The following RFTN1 variants were observed in gnomAD, a reference collection of about 807,000 sequenced individuals.
RFTN1 encodes the protein raftlin.
A neutral mutation model predicts 46.5 loss-of-function variants in RFTN1; 26 were observed. That is an observed-to-expected ratio of 0.56 (90% CI 0.41 to 0.78). The LOEUF is 0.78. Among genes scored for constraint, RFTN1 ranks in the 30% least tolerant of loss-of-function variants. The pLI, the probability that RFTN1 is intolerant of heterozygous loss-of-function variation, is 0.00. For synonymous variants in RFTN1, 261 were observed against 284.2 expected (o/e 0.92, Z 0.82); for missense variants, 693 against 718.7 (o/e 0.96, Z 0.41).
chr3:16,405,837 A>T (rs2074844020), intron 4 of RFTN1, among the ~76,000 whole-genome samples: 1 of 152,186 alleles, frequency 6.6e-6, no homozygotes, highest in Non-Finnish European at 1.5e-5. Context: ...TTACCATCTC[A>T]TCCTAAGATC....
intron 4 of RFTN1, among the ~76,000 whole-genome samples, chr3:16,404,872 C>T (rs2074814626): frequency 6.6e-6 from 1 of 152,114 alleles, no homozygotes; most frequent in Non-Finnish European, 1.5e-5. Context: ...TTTAGCAGTT[C>T]CAGCCCCTGG....
chr3:16,326,477 T>C (rs1483296641), intron 8 of RFTN1, among the ~76,000 whole-genome samples: 1 of 152,256 alleles, frequency 6.6e-6, no homozygotes, highest in Non-Finnish European at 1.5e-5. Context: ...GTGCTGAATT[T>C]CTTTTGCATT....
chr3:16,456,420 A>AGAATGGTTTATCTTTCT lies in RFTN1; in HGVS notation c.146-22400_146-22384dup, dbSNP rs1279264396. 7.2e-5 allele frequency among the ~76,000 whole-genome samples: 11 copies of AGAATGGTTTATCTTTCT among 152,314 alleles called. No homozygotes were observed. In the South Asian group the frequency reaches 1.0e-3, roughly 14 times the overall value. ...CTAAAAGATGAGAGGAAACTCAAGGAGAATGGTTTATCTTTCTGAATGGTT... is the reference window on the plus strand; with the variant it reads ...CTAAAAGATGAGAGGAAACTCAAGGAGAATGGTTTATCTTTCTGAATGGTTTATCTTTCTGAATGGTT... On this transcript the variant is annotated intron_variant, in intron 2 of 9. Coordinates refer to ENST00000334133, the MANE Select transcript of RFTN1 (RefSeq NM_015150.2).
Position 16,421,916 on chromosome 3 carries a change from T to G in RFTN1, c.332+11935A>C, listed in dbSNP as rs1289825551. 6.6e-6 allele frequency among the ~76,000 whole-genome samples: 1 copy of G among 152,208 alleles called. No homozygotes were observed. The highest frequency in any genetic ancestry group is 2.4e-5 in the African/African-American group (1 of 41,444). On this transcript the variant is annotated intron_variant, in intron 3 of 9. Transcript: ENST00000334133. This position sits in a 1 kb window ranked among gnomAD's most constrained non-coding sequence, Gnocchi z 4.6. ...AGTGCTTCCCTGAACCCAGCCCTTCTGCAGGCCCCTCCTGCTCCATACAGC... is the reference window on the plus strand; with the variant it reads ...AGTGCTTCCCTGAACCCAGCCCTTCGGCAGGCCCCTCCTGCTCCATACAGC...
chr3:16,368,673 T>C (rs566651868), intron 6 of RFTN1, among the ~76,000 whole-genome samples: 1 of 143,600 alleles, frequency 7.0e-6, no homozygotes, highest in South Asian at 2.4e-4. Context: ...AGCGAGACTC[T>C]GTCCAAAAAA....
Position 16,402,467 on chromosome 3 carries a change from C to G in RFTN1, c.441+6908G>C, listed in dbSNP as rs1348435654. On this transcript the variant is annotated intron_variant, in intron 4 of 9. Coordinates refer to ENST00000334133, the MANE Select transcript of RFTN1 (RefSeq NM_015150.2). The surrounding 1 kb of genome is among the most constrained non-coding windows in gnomAD (Gnocchi z 4.5). Reference sequence around the variant, plus strand: ...TTCATCTTTTTTAAATGTCACTATTCTCTTGGTTTGTGGGTGGGTTCTGGT... The same window carrying G: ...TTCATCTTTTTTAAATGTCACTATTGTCTTGGTTTGTGGGTGGGTTCTGGT... 6.6e-6 allele frequency among the ~76,000 whole-genome samples: 1 copy of G among 152,120 alleles called. No individual in the cohort carries two copies. The highest frequency in any genetic ancestry group is 2.4e-5 in the African/African-American group (1 of 41,412).
chr3:16,328,709 G>A (rs1423329722), intron 7 of RFTN1, among the ~76,000 whole-genome samples: 1 of 152,178 alleles, frequency 6.6e-6, no homozygotes, highest in African/African-American at 2.4e-5. Flanking sequence ...CAGGAACTCC[G>A]GGAGTAGGGC....
In RFTN1 at chr3:16,321,844, A is replaced by C. The variant is rs2069093346; in HGVS notation, c.1332+1532T>G. On this transcript the variant is annotated intron_variant, in intron 9 of 9. Coordinates refer to ENST00000334133, the MANE Select transcript of RFTN1 (RefSeq NM_015150.2). The surrounding 1 kb of genome is among the most constrained non-coding windows in gnomAD (Gnocchi z 4.8). Reference sequence around the variant, plus strand: ...CAACCTTATTACAGCAGCTTTTACAAATCTATCTCTAAAGTCTCCCTGCCG... The same window carrying C: ...CAACCTTATTACAGCAGCTTTTACACATCTATCTCTAAAGTCTCCCTGCCG... 6.6e-6 allele frequency among the ~76,000 whole-genome samples: 1 copy of C among 152,230 alleles called. No homozygotes were observed. The highest frequency in any genetic ancestry group is 2.4e-5 in the African/African-American group (1 of 41,542).
intron 4 of RFTN1, among the ~76,000 whole-genome samples, chr3:16,394,953 G>A (rs114951998): frequency 6.6e-6 from 1 of 152,094 alleles, no homozygotes; most frequent in Admixed American, 6.5e-5. Flanking sequence ...AACTGTGTTA[G>A]ATAGCCCTGA....
At chr3:16,490,510 A>T (rs2076523317) in intron 2 of RFTN1, among the ~76,000 whole-genome samples, 1 of 152,200 alleles carries the variant, frequency 6.6e-6, no homozygotes, top group African/African-American at 2.4e-5. Flanking sequence ...CTCTGGCTTG[A>T]ATCTCAACTT....
rs769144701 is a variant in RFTN1, at chr3:16,501,107, A to C, written c.-8-7230T>G. Among the ~76,000 whole-genome samples the C allele has an allele frequency of 7.0e-4, 107 of 152,224 alleles. 2 individuals carry two copies. The highest frequency in any genetic ancestry group is 2.4e-4 in the Non-Finnish European group (16 of 68,040). ...AACTCTGATCGCACCACCGCACTGC[A>C]GGCTGAGTGACAGAGCAAGACTTGT... On this transcript the variant is annotated intron_variant, in intron 1 of 9. Transcript: ENST00000334133.
chr3:16,399,895 TTC>T (rs977131106), intron 4 of RFTN1, among the ~76,000 whole-genome samples: 14 of 152,154 alleles, frequency 9.2e-5, no homozygotes, highest in Non-Finnish European at 1.9e-4. Context: ...GGCTCAATAT[TTC>T]TTAGATCTAC....
rs750914402 is a variant in RFTN1, at chr3:16,326,767, T to C, written c.1250+6A>G. ...ATAGAATCCTAATGATTACTGTTAT[T>C]GTTACCTGGTAGTCTTGACGACGGG... On this transcript the variant is annotated splice_donor_region_variant and intron_variant, in intron 8 of 9. Transcript: ENST00000334133. 3.1e-6 allele frequency: 5 copies of C among 1,608,252 alleles called. No individual in the cohort carries two copies. Among genetic ancestry groups the C allele is most frequent in the African/African-American group, 1.3e-5 (1 of 74,796 alleles).
At chr3:16,496,546 C>T (rs1477998264) in intron 1 of RFTN1, among the ~76,000 whole-genome samples, 1 of 152,170 alleles carries the variant, frequency 6.6e-6, no homozygotes, top group Non-Finnish European at 1.5e-5. Context: ...CAGGCATCTA[C>T]CAGAATAGCT....
chr3:16,328,356 G>A (rs1306233737), intron 7 of RFTN1, among the ~76,000 whole-genome samples: 1 of 152,262 alleles, frequency 6.6e-6, no homozygotes, highest in African/African-American at 2.4e-5. Context: ...GCCACGTGTG[G>A]TGAGTGGCTA....
At position 16,410,132 on chromosome 3, in the gene RFTN1, G is replaced by C. The variant is rs1233681666; in HGVS notation, c.333-649C>G. 6.6e-6 allele frequency among the ~76,000 whole-genome samples: 1 copy of C among 151,350 alleles called. No individual in the cohort carries two copies. Among genetic ancestry groups the C allele is most frequent in the African/African-American group, 2.4e-5 (1 of 41,106 alleles). On this transcript the variant is annotated intron_variant, in intron 3 of 9. Coordinates refer to ENST00000334133, the MANE Select transcript of RFTN1 (RefSeq NM_015150.2). The surrounding 1 kb of genome is among the most constrained non-coding windows in gnomAD (Gnocchi z 4.6). ...GTAATATATACATATCCACATCATA[G>C]TAAGACCTCTAAGATGTAGCATCAT...
At position 16,376,223 on chromosome 3, in the gene RFTN1, C is replaced by T. The variant is rs560598541; in HGVS notation, c.826+1495G>A. Reference sequence around the variant, plus strand: ...CTCATACTCATGAGTCAAACAGTGCCGAGTGCTTTAAATGTACAACTTTAA... The same window carrying T: ...CTCATACTCATGAGTCAAACAGTGCTGAGTGCTTTAAATGTACAACTTTAA... On this transcript the variant is annotated intron_variant, in intron 5 of 9. Transcript: ENST00000334133. The surrounding 1 kb of genome is among the most constrained non-coding windows in gnomAD (Gnocchi z 4.7). 4.6e-5 allele frequency among the ~76,000 whole-genome samples: 7 copies of T among 152,252 alleles called. No homozygotes were observed. Among genetic ancestry groups the T allele is most frequent in the African/African-American group, 1.7e-4 (7 of 41,550 alleles).
chr3:16,469,333 TA>T (rs1267514292), intron 2 of RFTN1, among the ~76,000 whole-genome samples: 1 of 152,252 alleles, frequency 6.6e-6, no homozygotes, highest in African/African-American at 2.4e-5. Context: ...CGGTTGTTGT[TA>T]TTACATACTT....
intron 7 of RFTN1, among the ~76,000 whole-genome samples, chr3:16,357,259 T>G (rs2072515455): frequency 6.6e-6 from 1 of 152,202 alleles, no homozygotes; most frequent in Non-Finnish European, 1.5e-5. Context: ...GCTTCCGCAG[T>G]TAGAGAAATG....
Sources: allele counts gnomAD v4.1 joint callset (sites outside exome capture counted in the v4.1 genomes callset), GRCh38; gene constraint gnomAD v4.1.1; non-coding constraint Gnocchi (gnomAD v3.1); transcripts MANE v1.5; gene names NCBI Gene and HGNC (gene_info 2026-07-23, HGNC 2026-07-21).